The following PPP2R3A variants were observed in gnomAD, a reference collection of about 807,000 sequenced individuals.
PPP2R3A encodes serine/threonine-protein phosphatase 2A regulatory subunit B'' subunit alpha.
A neutral mutation model predicts 106.9 loss-of-function variants in PPP2R3A; 80 were observed. The ratio of observed to expected loss-of-function variants is 0.75; its 90% CI spans 0.62 to 0.90. The LOEUF (loss-of-function observed/expected upper bound fraction) is 0.90, where lower values mean the gene tolerates loss of function less well. PPP2R3A is among the 40% of genes least tolerant of loss of function. The pLI is 0.00. For synonymous variants in PPP2R3A, 483 were observed against 468.3 expected (o/e 1.03, Z -0.41); for missense variants, 1,386 against 1,350.4 (o/e 1.03, Z -0.41).
rs1011050750 is a variant in PPP2R3A at position 136,001,994 on chromosome 3, A to G, written c.496A>G (p.Asn166Asp). The change falls in exon 2 of 14, where the codon AAC (asparagine) becomes GAC (aspartate). Residue 166 changes from asparagine to aspartate, a missense_variant. By Grantham distance (23) the Asn-to-Asp change is conservative. Coordinates refer to ENST00000264977, the MANE Select transcript of PPP2R3A (RefSeq NM_002718.5). ...VDLDLLCGHYNNDGNAPSFGL... is the reference protein window; with the variant it reads ...VDLDLLCGHYDNDGNAPSFGL... ...TTTGGACTTGCTTTGTGGCCATTAT[A>G]ACAACGATGGGAACGCCCCATCCTT... 1 of 1,614,162 alleles carries G rather than the reference A, an allele frequency of 6.2e-7. No homozygotes were observed.
intron 6 of PPP2R3A, among the ~76,000 whole-genome samples, chr3:136,077,388 C>G (rs574963962): frequency 6.6e-6 from 1 of 152,258 alleles, no homozygotes; most frequent in South Asian, 2.1e-4. Context: ...CTTATTTGTT[C>G]TTCTCGCACC....
At chr3:136,016,991 A>G (rs1446276224) in intron 2 of PPP2R3A, among the ~76,000 whole-genome samples, 1 of 152,198 alleles carries the variant, frequency 6.6e-6, no homozygotes, top group Non-Finnish European at 1.5e-5. Context: ...TTGTTTTAGC[A>G]GTTCTTGTAA....
At chr3:136,010,394 G>A (rs1377134280) in intron 2 of PPP2R3A, among the ~76,000 whole-genome samples, 2 of 146,096 alleles carry the variant, frequency 1.4e-5, no homozygotes, top group African/African-American at 5.1e-5. Flanking sequence ...GGGACTACAG[G>A]CGCATGCCAT....
intron 13 of PPP2R3A, among the ~76,000 whole-genome samples, chr3:136,124,351 C>CA (rs1938106667): frequency 6.6e-6 from 1 of 152,030 alleles, no homozygotes; most frequent in Non-Finnish European, 1.5e-5. Flanking sequence ...ATGGGGATGG[C>CA]ATACACCTAT....
intron 1 of PPP2R3A, among the ~76,000 whole-genome samples, chr3:135,978,129 A>G (rs936107414): frequency 1.3e-5 from 2 of 152,246 alleles, no homozygotes; most frequent in African/African-American, 4.8e-5. Context: ...ATTTCAAAAT[A>G]AAAAGTTTAA....
At chr3:136,055,318 T>C (rs1935823984) in intron 5 of PPP2R3A, 1 of 913,774 alleles carries the variant, frequency 1.1e-6, no homozygotes, top group Non-Finnish European at 1.8e-6. Flanking sequence ...TCAACATCTT[T>C]ACATTGCTCA....
rs922464574 is a variant in PPP2R3A at position 136,088,048 on chromosome 3, A to G, written c.2837+117A>G. On this transcript the variant is annotated intron_variant, in intron 9 of 13. Transcript: ENST00000264977. The stretch of plus-strand genomic sequence containing the variant: ...GTGCTATTGGACCAAATAATATCCT[A>G]TAAAACATAGTTATGGCTTAATACA... The G allele has an allele frequency of 3.0e-5, 23 of 775,130 alleles. 1 individual carries two copies. The highest frequency in any genetic ancestry group is 1.6e-4 in the Admixed American group (6 of 38,424). 48.0% of individuals were successfully genotyped at this position (775,130 alleles called of 1,614,324 possible).
At chr3:135,998,914 A>G (rs1933509280) in intron 1 of PPP2R3A, among the ~76,000 whole-genome samples, 1 of 152,252 alleles carries the variant, frequency 6.6e-6, no homozygotes, top group African/African-American at 2.4e-5. Flanking sequence ...AAGTATATAC[A>G]TAAGAATATC....
chr3:136,106,163 A>G (rs938896185), intron 12 of PPP2R3A, 53 bp from the exon 13 acceptor site: 11 of 1,464,370 alleles, frequency 7.5e-6, no homozygotes, highest in East Asian at 2.3e-5. Context: ...TCTATCTCCA[A>G]TTCTTTGTCT....
At chr3:136,072,941 A>C (rs1295506995) in intron 6 of PPP2R3A, among the ~76,000 whole-genome samples, 4 of 152,076 alleles carry the variant, frequency 2.6e-5, no homozygotes, top group Admixed American at 6.6e-5. Context: ...CCTAGCAAGT[A>C]GTCCTTAGGA....
intron 13 of PPP2R3A, among the ~76,000 whole-genome samples, chr3:136,126,004 G>GA (rs1194229133): frequency 3.3e-5 from 5 of 151,882 alleles, no homozygotes; most frequent in African/African-American, 9.7e-5. Flanking sequence ...ATGGTTAAAA[G>GA]AAAAAAAAGG....
chr3:136,064,425 T>A (rs1936193090), intron 5 of PPP2R3A, among the ~76,000 whole-genome samples: 2 of 151,514 alleles, frequency 1.3e-5, no homozygotes, highest in Admixed American at 1.3e-4. Context: ...AAAAAAAAAA[T>A]AAGACTCTGG....
chr3:136,064,945 G>C (rs1480945673), intron 5 of PPP2R3A, among the ~76,000 whole-genome samples: 1 of 151,996 alleles, frequency 6.6e-6, no homozygotes, highest in Non-Finnish European at 1.5e-5. Flanking sequence ...TTTTATTGTG[G>C]TTGTAGAACA....
At chr3:136,049,701 A>AAGATAACTTCTCTG (rs1432424481) in intron 5 of PPP2R3A, among the ~76,000 whole-genome samples, 1 of 152,228 alleles carries the variant, frequency 6.6e-6, no homozygotes, top group Non-Finnish European at 1.5e-5. Flanking sequence ...AGAATGCAAG[A>AAGATAACTTCTCTG]AGATAACTTC....
chr3:136,088,195 CA>C (rs1937006301), intron 9 of PPP2R3A, among the ~76,000 whole-genome samples: 1 of 152,194 alleles, frequency 6.6e-6, no homozygotes, highest in Admixed American at 6.5e-5. Flanking sequence ...GATCCTGTCA[CA>C]CAGGCAGTGA....
intron 1 of PPP2R3A, among the ~76,000 whole-genome samples, chr3:135,966,051 G>T (rs1937072129): frequency 6.6e-6 from 1 of 151,978 alleles, no homozygotes; most frequent in South Asian, 2.1e-4. Flanking sequence ...GCGGTGCGGT[G>T]CGGTGCGTTG....
In PPP2R3A at chr3:136,037,893, A is replaced by G. The variant is rs137947771; in HGVS notation, c.2263-2966A>G. On this transcript the variant is annotated intron_variant, in intron 3 of 13. Coordinates refer to ENST00000264977, the MANE Select transcript of PPP2R3A (RefSeq NM_002718.5). Reference sequence around the variant, plus strand: ...CTCTAAAAATAAGTTTCCTAAATCTATTTTCTGTATCTCTGTGTATACCCA... The same window carrying G: ...CTCTAAAAATAAGTTTCCTAAATCTGTTTTCTGTATCTCTGTGTATACCCA... 4.3e-3 allele frequency among the ~76,000 whole-genome samples: 653 copies of G among 151,710 alleles called. 5 individuals are homozygous for G. The highest frequency in any genetic ancestry group is 0.015 in the African/African-American group (612 of 41,384).
rs1269830119 is a variant in PPP2R3A at position 136,103,185 on chromosome 3, G to A, written c.3104-73G>A. 3.5e-6 allele frequency: 3 copies of A among 849,276 alleles called. No homozygotes were observed. The African/African-American group carries it at 5.2e-5, about 15-fold the overall frequency. The allele number at this position is 849,276 out of a possible 1,614,324, so 52.6% of individuals were successfully genotyped here. A position where few individuals can be genotyped will look rare whatever the true frequency, so the allele number is the denominator to read the frequency against. ...TAAACATATACCTATACTTTTAGAT[G>A]TCAGGGAAAGTTTTTTCCTCTTGCC... is the stretch of plus-strand genomic sequence containing the variant. On this transcript the variant is annotated intron_variant, in intron 11 of 13. Coordinates refer to ENST00000264977, the MANE Select transcript of PPP2R3A (RefSeq NM_002718.5).
intron 1 of PPP2R3A, among the ~76,000 whole-genome samples, chr3:135,994,395 G>T (rs558421518): frequency 6.6e-6 from 1 of 152,268 alleles, no homozygotes; most frequent in East Asian, 1.9e-4. Flanking sequence ...CTTCAGCAGG[G>T]TGAAAGAGGG....
Sources: gnomAD v4.1 joint callset for allele counts (sites outside exome capture counted in the v4.1 genomes callset) on GRCh38, gnomAD v4.1.1 for gene constraint, MANE v1.5 for transcripts, NCBI Gene and HGNC (gene_info 2026-07-23, HGNC 2026-07-21) for gene names.